PTPRD: variants seen among roughly 807,000 people sequenced by gnomAD.
PTPRD encodes the protein receptor-type tyrosine-protein phosphatase delta.
PTPRD carries 34 observed loss-of-function variants against 214.5 expected under a neutral mutation model. The ratio of observed to expected loss-of-function variants is 0.16; its 90% CI spans 0.12 to 0.21. The LOEUF (loss-of-function observed/expected upper bound fraction) is 0.21. PTPRD is among the 10% of genes least tolerant of loss of function. The pLI, the probability that PTPRD is intolerant of heterozygous loss-of-function variation, is 1.00. For missense variants in PTPRD, 2,545 were observed against 2,398.7 expected (o/e 1.06, Z -1.27); for synonymous variants, 1,128 against 845.7 (o/e 1.33, Z -5.79).
intron 35 of PTPRD, among the ~76,000 whole-genome samples, chr9:8,411,224 G>C (rs1456277999): frequency 6.6e-6 from 1 of 151,870 alleles, no homozygotes; most frequent in African/African-American, 2.4e-5. Context: ...ATCCAAAAAA[G>C]AACATACAAC....
chr9:9,303,591 T>C (rs1956190436), intron 9 of PTPRD, among the ~76,000 whole-genome samples: 2 of 152,082 alleles, frequency 1.3e-5, no homozygotes. Flanking sequence ...ACTAAATGTT[T>C]TGAATAAGCC....
chr9:10,268,480 A>C (rs953771468), intron 3 of PTPRD, among the ~76,000 whole-genome samples: 7 of 152,136 alleles, frequency 4.6e-5, no homozygotes, highest in Admixed American at 2.6e-4. Context: ...AAAAACTCTA[A>C]AGTGCTCCTT....
intron 11 of PTPRD, chr9:8,861,630 T>C (rs1485432319): frequency 3.3e-5 from 5 of 152,192 alleles, no homozygotes; most frequent in Non-Finnish European, 7.3e-5. Context: ...AGCTAGAATT[T>C]TGAACCTAGA....
chr9:10,091,619 T>A lies in PTPRD; in HGVS notation c.-544-57829A>T, dbSNP rs963589501. On this transcript the variant is annotated intron_variant, in intron 3 of 45. Coordinates refer to ENST00000381196, the MANE Select transcript of PTPRD (RefSeq NM_002839.4). ...GTTGTTTGGAATTGTCAACTGCATG[T>A]CAATTAAACGACAGGAAATGTTTCC... Among the ~76,000 whole-genome samples the A allele has an allele frequency of 2.9e-4, 44 of 151,556 alleles. No individual in the cohort carries two copies. In the Admixed American group the frequency reaches 2.9e-3, roughly 10 times the overall value.
chr9:9,870,713 A>T (rs971707108), intron 5 of PTPRD, among the ~76,000 whole-genome samples: 1 of 152,038 alleles, frequency 6.6e-6, no homozygotes, highest in Non-Finnish European at 1.5e-5. Flanking sequence ...AGATTTGAGG[A>T]TGAAGTGTAC....
intron 10 of PTPRD, among the ~76,000 whole-genome samples, chr9:9,107,672 C>G (rs1030302318): frequency 6.6e-6 from 1 of 152,148 alleles, no homozygotes; most frequent in Non-Finnish European, 1.5e-5. Flanking sequence ...TCCTTGTCCC[C>G]TTTGGTTGGA....
At chr9:10,244,460 C>T (rs2091724822) in intron 3 of PTPRD, among the ~76,000 whole-genome samples, 2 of 152,004 alleles carry the variant, frequency 1.3e-5, no homozygotes, top group Non-Finnish European at 1.5e-5. Flanking sequence ...TCCAACTGAC[C>T]ACATTTCTGT....
intron 5 of PTPRD, among the ~76,000 whole-genome samples, chr9:9,789,507 T>A (rs2098951080): frequency 6.6e-6 from 1 of 152,082 alleles, no homozygotes; most frequent in African/African-American, 2.4e-5. Flanking sequence ...TGATTAAAAC[T>A]TTTAAATCGG....
At chr9:10,383,342 C>T (rs1296524069) in intron 2 of PTPRD, among the ~76,000 whole-genome samples, 1 of 151,822 alleles carries the variant, frequency 6.6e-6, no homozygotes, top group East Asian at 1.9e-4. Context: ...TAATTAAAAT[C>T]ACCTTTAATA....
At chr9:9,803,751 G>A (rs1290247153) in intron 5 of PTPRD, 1 of 151,812 alleles carries the variant, frequency 6.6e-6, no homozygotes, top group East Asian at 1.9e-4. Context: ...ACTAATACAT[G>A]TGATTATTAA....
intron 8 of PTPRD, among the ~76,000 whole-genome samples, chr9:9,427,053 G>A (rs771916546): frequency 2.0e-5 from 3 of 152,198 alleles, no homozygotes; most frequent in Non-Finnish European, 2.9e-5. Context: ...AAAGCTGAAC[G>A]GAGAATGACT....
At chr9:9,032,823 C>T (rs1317794346) in intron 10 of PTPRD, among the ~76,000 whole-genome samples, 1 of 152,076 alleles carries the variant, frequency 6.6e-6, no homozygotes, top group Non-Finnish European at 1.5e-5. Flanking sequence ...CTTAGGGTTG[C>T]AGTGAAGATA....
rs1477889319 is a variant in PTPRD at position 8,316,224 on chromosome 9, T to G, written c.*1650A>C. Reference sequence around the variant, plus strand: ...CTAGGAATGCATATTATTCAAAGAGTTTTTGTACATGTGGTAAACAGATAA... The same window carrying G: ...CTAGGAATGCATATTATTCAAAGAGGTTTTGTACATGTGGTAAACAGATAA... On this transcript the variant is annotated 3_prime_UTR_variant, in exon 46 of 46. Coordinates refer to ENST00000381196, the MANE Select transcript of PTPRD (RefSeq NM_002839.4). The G allele has an allele frequency of 8.7e-6, 2 of 229,416 alleles. No homozygotes were observed. Among genetic ancestry groups the G allele is most frequent in the Non-Finnish European group, 1.7e-5 (2 of 115,592 alleles). 14.2% of individuals were successfully genotyped at this position (229,416 alleles called of 1,614,324 possible). A position where few individuals can be genotyped will look rare whatever the true frequency, so the allele number is the denominator to read the frequency against.
In PTPRD at chr9:9,689,448, T is replaced by A. The variant is rs557762491; in HGVS notation, c.-287+45085A>T. Among the ~76,000 whole-genome samples, 357 of 152,074 alleles carry A rather than the reference T, an allele frequency of 2.3e-3. 2 individuals carry two copies. Among genetic ancestry groups the A allele is most frequent in the African/African-American group, 7.9e-3 (328 of 41,552 alleles). ...TTTGATGCATTTATATAACATGTAA[T>A]ATATCTATGATCTTAAATATTTATC... On this transcript the variant is annotated intron_variant, in intron 7 of 45. Coordinates refer to ENST00000381196, the MANE Select transcript of PTPRD (RefSeq NM_002839.4).
intron 10 of PTPRD, among the ~76,000 whole-genome samples, chr9:9,032,916 C>T (rs2099610209): frequency 1.3e-5 from 2 of 152,072 alleles, no homozygotes; most frequent in Admixed American, 6.6e-5. Context: ...GTCCCTTCCC[C>T]ATGTGCACTA....
In PTPRD at chr9:10,485,082, T is replaced by C. The variant is rs112352029; in HGVS notation, c.-600+127316A>G. 2.0e-3 allele frequency among the ~76,000 whole-genome samples: 310 copies of C among 152,212 alleles called. 2 individuals are homozygous for C. The highest frequency in any genetic ancestry group is 0.01 in the Middle Eastern group (3 of 294). On this transcript the variant is annotated intron_variant, in intron 2 of 45. Transcript: ENST00000381196. Reference sequence around the variant, plus strand: ...AGGTCTAGTTTCATTCTTCTGCATATAGATATCCAGTTTTTCCAGCACTAT... The same window carrying C: ...AGGTCTAGTTTCATTCTTCTGCATACAGATATCCAGTTTTTCCAGCACTAT...
intron 11 of PTPRD, among the ~76,000 whole-genome samples, chr9:8,894,880 T>C (rs2098595229): frequency 6.6e-6 from 1 of 152,076 alleles, no homozygotes; most frequent in Non-Finnish European, 1.5e-5. Context: ...AAATAGTAGA[T>C]GGCACCAATC....
At chr9:9,786,875 T>A (rs1475111171) in intron 5 of PTPRD, among the ~76,000 whole-genome samples, 1 of 151,902 alleles carries the variant, frequency 6.6e-6, no homozygotes, top group African/African-American at 2.4e-5. Flanking sequence ...CTGGGCACAG[T>A]GGCTTACATC....
chr9:10,316,989 T>C (rs1241906513), intron 3 of PTPRD, among the ~76,000 whole-genome samples: 1 of 151,954 alleles, frequency 6.6e-6, no homozygotes, highest in African/African-American at 2.4e-5. Flanking sequence ...AAACAAAACA[T>C]GCATGCATTC....
Sources: allele counts gnomAD v4.1 joint callset (sites outside exome capture counted in the v4.1 genomes callset), GRCh38; gene constraint gnomAD v4.1.1; transcripts MANE v1.5; gene names NCBI Gene and HGNC (gene_info 2026-07-23, HGNC 2026-07-21).